Variants in GPC5 observed in about 807,000 individuals in gnomAD.
The protein encoded by GPC5 is glypican-5.
GPC5 carries 47 observed loss-of-function variants against 53.9 expected under a neutral mutation model. The ratio of observed to expected loss-of-function variants is 0.87; its 90% CI spans 0.69 to 1.11. The LOEUF is 1.11. GPC5 is among the 50% of genes most tolerant of loss of function. The pLI is 0.00. For synonymous variants in GPC5, 286 were observed against 263.3 expected (o/e 1.09, Z -0.84); for missense variants, 748 against 713.1 (o/e 1.05, Z -0.56).
intron 5 of GPC5, among the ~76,000 whole-genome samples, chr13:91,874,605 T>C (rs1464359452): frequency 6.6e-6 from 1 of 152,178 alleles, no homozygotes; most frequent in East Asian, 1.9e-4. Context: ...ACAAAAGCAA[T>C]GCACATTTGT....
intron 7 of GPC5, among the ~76,000 whole-genome samples, chr13:92,516,562 G>A (rs1283238357): frequency 1.3e-5 from 2 of 152,160 alleles, no homozygotes; most frequent in Non-Finnish European, 2.9e-5. Flanking sequence ...CAGTGTGGAA[G>A]GTGTTCTGTA....
chr13:92,740,958 G>GTT (rs1243138473), intron 7 of GPC5, among the ~76,000 whole-genome samples: 1 of 89,278 alleles, frequency 1.1e-5, no homozygotes, highest in Non-Finnish European at 2.4e-5. Context: ...ATATATGTAT[G>GTT]TGTATATATA....
At chr13:92,337,799 A>G (rs1319846002) in intron 7 of GPC5, among the ~76,000 whole-genome samples, 1 of 152,182 alleles carries the variant, frequency 6.6e-6, no homozygotes, top group African/African-American at 2.4e-5. Context: ...CACCCTTCAC[A>G]AAAATTTGCT....
chr13:92,525,202 C>A (rs986054442), intron 7 of GPC5, among the ~76,000 whole-genome samples: 1 of 151,980 alleles, frequency 6.6e-6, no homozygotes, highest in African/African-American at 2.4e-5. Flanking sequence ...TGGCCTACTA[C>A]TTGCTAATTA....
At chr13:92,697,230 T>A (rs937762088) in intron 7 of GPC5, among the ~76,000 whole-genome samples, 3 of 152,194 alleles carry the variant, frequency 2.0e-5, no homozygotes, top group Non-Finnish European at 4.4e-5. Flanking sequence ...TCCAATTCTG[T>A]GAAGAAAGTC....
intron 2 of GPC5, among the ~76,000 whole-genome samples, chr13:91,610,443 A>T (rs972664848): frequency 6.6e-6 from 1 of 152,044 alleles, no homozygotes; most frequent in African/African-American, 2.4e-5. Context: ...TATAACTTTC[A>T]TTTTGAGTAG....
intron 7 of GPC5, among the ~76,000 whole-genome samples, chr13:92,767,018 G>T (rs1375524753): frequency 6.6e-6 from 1 of 152,212 alleles, no homozygotes; most frequent in African/African-American, 2.4e-5. Context: ...CTGGGCTGGA[G>T]CATATCTATT....
intron 2 of GPC5, among the ~76,000 whole-genome samples, chr13:91,513,154 T>C (rs1033731050): frequency 1.2e-4 from 19 of 152,320 alleles, no homozygotes; most frequent in African/African-American, 4.6e-4. Context: ...CTCTTTTTCC[T>C]TCATTAAACT....
In GPC5 at chr13:92,496,139, T is replaced by C. The variant is rs1330267162; in HGVS notation, c.1561+351150T>C. On this transcript the variant is annotated intron_variant, in intron 7 of 7. Coordinates refer to ENST00000377067, the MANE Select transcript of GPC5 (RefSeq NM_004466.6). Reference sequence around the variant, plus strand: ...CTCCACATTGCAGGTGGTAGTGCTGTAAATTCTTTTAAAACTTTTACAGCT... The same window carrying C: ...CTCCACATTGCAGGTGGTAGTGCTGCAAATTCTTTTAAAACTTTTACAGCT... 7.2e-5 allele frequency among the ~76,000 whole-genome samples: 11 copies of C among 152,294 alleles called. No homozygotes were observed. The South Asian group carries it at 2.1e-3, about 29-fold the overall frequency.
chr13:92,290,747 C>G (rs756143768), intron 7 of GPC5, among the ~76,000 whole-genome samples: 1 of 152,216 alleles, frequency 6.6e-6, no homozygotes, highest in Non-Finnish European at 1.5e-5. Flanking sequence ...AGCTCTCGCT[C>G]GCTCTCGGCG....
intron 7 of GPC5, among the ~76,000 whole-genome samples, chr13:92,544,102 T>C (rs1287365530): frequency 2.6e-5 from 4 of 152,086 alleles, no homozygotes; most frequent in Non-Finnish European, 5.9e-5. Flanking sequence ...ATATAAAATG[T>C]TAATTATACC....
intron 7 of GPC5, among the ~76,000 whole-genome samples, chr13:92,368,836 G>T (rs2043627759): frequency 6.6e-6 from 1 of 152,006 alleles, no homozygotes; most frequent in African/African-American, 2.4e-5. Flanking sequence ...GTTAACTGAA[G>T]CCGGGCATAT....
chr13:92,610,113 A>AT (rs1416199529), intron 7 of GPC5, among the ~76,000 whole-genome samples: 4 of 151,558 alleles, frequency 2.6e-5, no homozygotes, highest in Non-Finnish European at 4.4e-5. Flanking sequence ...GTGTTCAAAG[A>AT]TTTTTTAAAA....
intron 7 of GPC5, among the ~76,000 whole-genome samples, chr13:92,554,895 G>A (rs1001921851): frequency 6.7e-6 from 1 of 149,912 alleles, no homozygotes; most frequent in African/African-American, 2.4e-5. Context: ...GGATAATTTT[G>A]GGTATTTTTT....
chr13:92,620,830 C>A (rs1329597111), intron 7 of GPC5, among the ~76,000 whole-genome samples: 1 of 152,186 alleles, frequency 6.6e-6, no homozygotes, highest in Non-Finnish European at 1.5e-5. Context: ...GCTTTCTCTT[C>A]CCATATCACT....
At chr13:92,100,214 C>A (rs1321778676) in intron 6 of GPC5, among the ~76,000 whole-genome samples, 1 of 152,096 alleles carries the variant, frequency 6.6e-6, no homozygotes, top group Middle Eastern at 3.2e-3. Flanking sequence ...ACCAACCTGT[C>A]CAAGATGGTG....
chr13:91,462,144 C>A (rs1475898380), intron 2 of GPC5, among the ~76,000 whole-genome samples: 1 of 152,014 alleles, frequency 6.6e-6, no homozygotes, highest in Non-Finnish European at 1.5e-5. Context: ...GTACAGAGTC[C>A]ATGAGAAATT....
chr13:91,399,785 G>A (rs1876789818), intron 1 of GPC5, among the ~76,000 whole-genome samples: 1 of 152,094 alleles, frequency 6.6e-6, no homozygotes, highest in Non-Finnish European at 1.5e-5. Flanking sequence ...ATCAAGCCCT[G>A]CTTGGAGGAA....
intron 2 of GPC5, among the ~76,000 whole-genome samples, chr13:91,465,797 T>A (rs541570509): frequency 6.6e-6 from 1 of 152,310 alleles, no homozygotes; most frequent in South Asian, 2.1e-4. Flanking sequence ...TCTCTGTGAT[T>A]CTTTTGAATA....
Sources: allele counts gnomAD v4.1 joint callset (sites outside exome capture counted in the v4.1 genomes callset), GRCh38; gene constraint gnomAD v4.1.1; transcripts MANE v1.5; gene names NCBI Gene and HGNC (gene_info 2026-07-23, HGNC 2026-07-21).